Variants in GMDS observed in about 807,000 individuals in gnomAD.
The protein encoded by GMDS is GDP-mannose 4,6-dehydratase.
A neutral mutation model predicts 49.9 loss-of-function variants in GMDS; 20 were observed. The ratio of observed to expected loss-of-function variants is 0.40; its 90% CI spans 0.28 to 0.58. GMDS has a LOEUF of 0.58. GMDS is among the 20% of genes least tolerant of loss of function. The pLI is 0.42. For missense variants in GMDS, 362 were observed against 481.4 expected (o/e 0.75, Z 2.32); for synonymous variants, 177 against 178.6 (o/e 0.99, Z 0.07).
At chr6:1,908,728 A>G (rs1272436184) in intron 7 of GMDS, among the ~76,000 whole-genome samples, 1 of 152,190 alleles carries the variant, frequency 6.6e-6, no homozygotes, top group Non-Finnish European at 1.5e-5. Context: ...GGTGAGAGGT[A>G]AGCTCTTCCC....
intron 9 of GMDS, among the ~76,000 whole-genome samples, chr6:1,658,474 G>T (rs762527329): frequency 3.3e-5 from 5 of 152,368 alleles, no homozygotes; most frequent in South Asian, 2.1e-4. Flanking sequence ...TGCATCACAG[G>T]CATCCTCCTG....
At chr6:1,627,050 C>T (rs917952668) in intron 9 of GMDS, among the ~76,000 whole-genome samples, 10 of 152,298 alleles carry the variant, frequency 6.6e-5, no homozygotes, top group Middle Eastern at 3.4e-3. Flanking sequence ...ACCAAGAGAC[C>T]TTGGGAAGAA....
intron 4 of GMDS, among the ~76,000 whole-genome samples, chr6:2,055,863 A>C (rs1770748019): frequency 6.6e-6 from 1 of 152,124 alleles, no homozygotes; most frequent in Non-Finnish European, 1.5e-5. Context: ...TGTTATGAAG[A>C]TTAAATGCTT....
intron 9 of GMDS, among the ~76,000 whole-genome samples, chr6:1,721,456 A>G (rs1766381908): frequency 6.6e-6 from 1 of 152,226 alleles, no homozygotes; most frequent in Non-Finnish European, 1.5e-5. Context: ...AATGAATGTT[A>G]AAGACAAACA....
chr6:1,791,872 T>C (rs1331234784), intron 7 of GMDS, among the ~76,000 whole-genome samples: 1 of 152,170 alleles, frequency 6.6e-6, no homozygotes, highest in Admixed American at 6.6e-5. Context: ...AAGTCAAATA[T>C]TGATGAGACT....
At chr6:2,156,328 G>A (rs1358490005) in intron 1 of GMDS, among the ~76,000 whole-genome samples, 4 of 152,058 alleles carry the variant, frequency 2.6e-5, no homozygotes, top group Non-Finnish European at 5.9e-5. Flanking sequence ...TTATCTCTAC[G>A]TCACTATCAC....
At chr6:2,205,736 T>C (rs1283186551) in intron 1 of GMDS, among the ~76,000 whole-genome samples, 1 of 152,138 alleles carries the variant, frequency 6.6e-6, no homozygotes, top group East Asian at 1.9e-4. Context: ...CAAGTTGGAC[T>C]CTTTTTCACT....
At chr6:1,665,084 G>C (rs2113261561) in intron 9 of GMDS, among the ~76,000 whole-genome samples, 1 of 152,184 alleles carries the variant, frequency 6.6e-6, no homozygotes, top group East Asian at 1.9e-4. Context: ...ATTCAGAGGT[G>C]GCTTATACTT....
At chr6:1,830,915 A>G (rs1361935509) in intron 7 of GMDS, among the ~76,000 whole-genome samples, 4 of 152,210 alleles carry the variant, frequency 2.6e-5, no homozygotes, top group African/African-American at 4.8e-5. Context: ...CACTTCAGAA[A>G]ATGTAGTCCT....
chr6:1,630,727 G>C (rs1218330475), intron 9 of GMDS, among the ~76,000 whole-genome samples: 2 of 152,222 alleles, frequency 1.3e-5, no homozygotes, highest in African/African-American at 4.8e-5. Context: ...TTCTACATCT[G>C]AATTGCAATC....
At chr6:2,039,755 C>T (rs955956006) in intron 4 of GMDS, among the ~76,000 whole-genome samples, 1 of 152,102 alleles carries the variant, frequency 6.6e-6, no homozygotes, top group African/African-American at 2.4e-5. Flanking sequence ...ATGATAACAC[C>T]TTCTTCTGAA....
At chr6:1,808,868 C>T (rs1770289104) in intron 7 of GMDS, among the ~76,000 whole-genome samples, 1 of 151,934 alleles carries the variant, frequency 6.6e-6, no homozygotes, top group African/African-American at 2.4e-5. Context: ...CCTAAGCTTG[C>T]TCACTCAGAC....
chr6:2,103,812 T>A (rs1265695239), intron 4 of GMDS, among the ~76,000 whole-genome samples: 1 of 152,238 alleles, frequency 6.6e-6, no homozygotes. Context: ...ACTGTCATCT[T>A]TTATAGTGAT....
intron 7 of GMDS, among the ~76,000 whole-genome samples, chr6:1,814,607 G>A (rs1038898361): frequency 1.3e-5 from 2 of 152,134 alleles, no homozygotes; most frequent in East Asian, 3.8e-4. Context: ...AAAAGATACA[G>A]ATTTAATCTG....
chr6:2,106,324 T>A (rs1278804740), intron 4 of GMDS, among the ~76,000 whole-genome samples: 1 of 152,210 alleles, frequency 6.6e-6, no homozygotes, highest in East Asian at 1.9e-4. Context: ...TTCATTTTAT[T>A]TTACCGTACT....
intron 9 of GMDS, among the ~76,000 whole-genome samples, chr6:1,684,876 T>C (rs1052911945): frequency 1.3e-5 from 2 of 152,130 alleles, no homozygotes; most frequent in South Asian, 2.1e-4. Flanking sequence ...ATATACACAG[T>C]AAATTATTCA....
At chr6:1,865,104 G>C (rs1029064532) in intron 7 of GMDS, among the ~76,000 whole-genome samples, 2 of 152,160 alleles carry the variant, frequency 1.3e-5, no homozygotes, top group South Asian at 4.1e-4. Flanking sequence ...TATCATTTTA[G>C]ATTGACCAAA....
intron 7 of GMDS, among the ~76,000 whole-genome samples, chr6:1,875,878 A>C (rs1466264930): frequency 6.6e-6 from 1 of 152,078 alleles, no homozygotes; most frequent in African/African-American, 2.4e-5. Context: ...ATACAAAATT[A>C]GCCAGGCATG....
intron 9 of GMDS, among the ~76,000 whole-genome samples, chr6:1,633,557 T>C (rs1320228786): frequency 6.6e-6 from 1 of 152,058 alleles, no homozygotes; most frequent in African/African-American, 2.4e-5. Context: ...GGGAGGGCAC[T>C]CTGTACTGGC....
Sources: allele counts gnomAD v4.1 joint callset (sites outside exome capture counted in the v4.1 genomes callset), GRCh38; gene constraint gnomAD v4.1.1; transcripts MANE v1.5; gene names NCBI Gene and HGNC (gene_info 2026-07-23, HGNC 2026-07-21).